The following TYW5 variants were observed in gnomAD, a reference collection of about 807,000 sequenced individuals.
TYW5 encodes tRNA-yW synthesizing protein 5.
In TYW5, 36 loss-of-function variants were observed where a neutral mutation model predicts 44.4. The observed-to-expected ratio is 0.81, with a 90% confidence interval of 0.62 to 1.07. The LOEUF (loss-of-function observed/expected upper bound fraction) is 1.07, where lower values mean the gene tolerates loss of function less well. TYW5 is among the 50% of genes least tolerant of loss of function. TYW5 has a pLI of 0.00. For missense variants in TYW5, 354 were observed against 365.7 expected (o/e 0.97, Z 0.26); for synonymous variants, 121 against 128.1 (o/e 0.94, Z 0.37).
Position 199,936,452 on chromosome 2 carries a change from C to T in TYW5, c.527G>A (p.Arg176His), listed in dbSNP as rs370153667. The change falls in exon 6 of 8, where the codon CGT becomes CAT. Residue 176 changes from arginine to histidine, a missense_variant. Transcript: ENST00000354611. ...NLLIQVTGKK[R>H]VVLFSPRDAQ... ...ATCTCGAGGACTGAAGAGTACAACA[C>T]GCTTTTTTCCTGTCACTTGTATTAA... 1.7e-5 allele frequency: 27 copies of T among 1,613,272 alleles called. No homozygotes were observed. Among genetic ancestry groups the T allele is most frequent in the South Asian group, 1.1e-4 (10 of 91,036 alleles).
intron 3 of TYW5, among the ~76,000 whole-genome samples, chr2:199,940,994 T>C (rs2077459690): frequency 6.6e-6 from 1 of 152,216 alleles, no homozygotes; most frequent in African/African-American, 2.4e-5. Context: ...ATGTATGAAT[T>C]AGAAAAATAT....
intron 5 of TYW5, among the ~76,000 whole-genome samples, chr2:199,938,039 CAA>C (rs1172790287): frequency 2.0e-5 from 3 of 151,568 alleles, no homozygotes; most frequent in Non-Finnish European, 4.4e-5. Context: ...TTTAAGCAAA[CAA>C]AATAACATCA....
At chr2:199,934,614 A>C (rs1239268913) in intron 7 of TYW5, among the ~76,000 whole-genome samples, 1 of 152,056 alleles carries the variant, frequency 6.6e-6, no homozygotes, top group African/African-American at 2.4e-5. Context: ...AGGAATTTAT[A>C]ATCTAGTCCC....
chr2:199,945,163 T>C (rs1473449657), intron 2 of TYW5: 1 of 152,150 alleles, frequency 6.6e-6, no homozygotes. Flanking sequence ...CTATGGACCA[T>C]ATGTCTTACC....
intron 2 of TYW5, 173 bp from the exon 3 acceptor site, chr2:199,944,007 G>A (rs1459477263): frequency 2.0e-6 from 1 of 508,152 alleles, no homozygotes; most frequent in Non-Finnish European, 3.4e-6. Flanking sequence ...AACTTATTGA[G>A]CAGTATGTTT....
chr2:199,939,210 TTC>T (rs143813020), intron 4 of TYW5, 140 bp from the exon 5 acceptor site: 1,139 of 690,900 alleles, frequency 1.6e-3, no homozygotes, highest in South Asian at 3.2e-3. Context: ...CTCTCTATCT[TTC>T]TCTCTCTCTC....
chr2:199,951,791 C>T (rs567638890), intron 1 of TYW5, among the ~76,000 whole-genome samples: 32 of 152,160 alleles, frequency 2.1e-4, no homozygotes, highest in Middle Eastern at 6.8e-3. Context: ...CCGAGGCAGG[C>T]GGATCACAAA....
rs944304231 is a variant in TYW5 at position 199,929,687 on chromosome 2, A to G, written c.*3380T>C. Among the ~76,000 whole-genome samples, 2 of 152,134 alleles carry G rather than the reference A, an allele frequency of 1.3e-5. No individual in the cohort carries two copies. Among genetic ancestry groups the G allele is most frequent in the Non-Finnish European group, 2.9e-5 (2 of 68,024 alleles). ...CTGTTCAAAAGGATGAAGGATACAA[A>G]TTAAGTTTTGTTGACTTTGTTTCCT... On this transcript the variant is annotated 3_prime_UTR_variant, in exon 8 of 8. Transcript: ENST00000354611.
intron 3 of TYW5, among the ~76,000 whole-genome samples, chr2:199,941,269 G>A (rs2077462473): frequency 1.3e-5 from 2 of 152,146 alleles, no homozygotes; most frequent in Admixed American, 6.5e-5. Flanking sequence ...TCGAACTCCT[G>A]GACTCAAGTG....
chr2:199,933,686 T>G (rs935835360), intron 7 of TYW5, among the ~76,000 whole-genome samples: 1 of 152,226 alleles, frequency 6.6e-6, no homozygotes, highest in Non-Finnish European at 1.5e-5. Context: ...AGTGTTTATT[T>G]TTTGGTACAC....
chr2:199,945,326 CA>C (rs1039412763), intron 2 of TYW5: 1 of 152,128 alleles, frequency 6.6e-6, no homozygotes, highest in African/African-American at 2.4e-5. Flanking sequence ...TATCCTCCCG[CA>C]AAAAGCTAAG....
In TYW5 at chr2:199,940,037, T is replaced by C. The variant is rs73068717; in HGVS notation, c.348+52A>G. On this transcript the variant is annotated intron_variant, in intron 4 of 7. Coordinates refer to ENST00000354611, the MANE Select transcript of TYW5 (RefSeq NM_001039693.3). ...AAAATTACAGTGTTGCCAGTTAACA[T>C]ACATACATCCATTTAGATTTTAGGG... 8.1e-4 allele frequency: 1,235 copies of C among 1,530,200 alleles called. 8 individuals carry two copies. In the African/African-American group the frequency reaches 0.015, roughly 19 times the overall value. 94.8% of individuals were successfully genotyped at this position (1,530,200 alleles called of 1,614,324 possible).
At chr2:199,936,102 AAAGT>A in intron 6 of TYW5, 55 bp from the exon 7 acceptor site, 2 of 1,040,186 alleles carry the variant, frequency 1.9e-6, no homozygotes, top group Non-Finnish European at 1.5e-6. Flanking sequence ...CATTTTAAAA[AAAGT>A]AATCACAAAT....
At chr2:199,940,558 C>T (rs1035625330) in intron 3 of TYW5, among the ~76,000 whole-genome samples, 7 of 150,680 alleles carry the variant, frequency 4.6e-5, no homozygotes, top group African/African-American at 1.7e-4. Context: ...CTGCAGTGAG[C>T]TATGATTGTG....
chr2:199,933,455 G>C, intron 7 of TYW5, 132 bp from the exon 8 acceptor site: 1 of 739,378 alleles, frequency 1.4e-6, no homozygotes, highest in Non-Finnish European at 2.2e-6. Context: ...CCCTTCGTTA[G>C]CACACTCCAG....
intron 5 of TYW5, among the ~76,000 whole-genome samples, chr2:199,937,319 T>C: frequency 6.6e-6 from 1 of 152,230 alleles, no homozygotes; most frequent in African/African-American, 2.4e-5. Flanking sequence ...CTTTATATAT[T>C]ACATTCTATT....
chr2:199,949,997 A>C (rs176008), intron 1 of TYW5, among the ~76,000 whole-genome samples: 1 of 151,928 alleles, frequency 6.6e-6, no homozygotes, highest in African/African-American at 2.4e-5. Flanking sequence ...TATGGCAAAA[A>C]AAAAGAACCC....
rs527679832 is a variant in TYW5 at position 199,949,415 on chromosome 2, T to C, written c.79-943A>G. On this transcript the variant is annotated intron_variant, in intron 1 of 7. Transcript: ENST00000354611. Reference sequence around the variant, plus strand: ...ACACTGACATAATACTATTATCTAATCTACAGTCCATACTCAAATTTTGCT... The same window carrying C: ...ACACTGACATAATACTATTATCTAACCTACAGTCCATACTCAAATTTTGCT... Among the ~76,000 whole-genome samples the C allele has an allele frequency of 1.1e-4, 16 of 152,208 alleles. No homozygotes were observed. In the East Asian group the frequency reaches 2.9e-3, roughly 28 times the overall value.
chr2:199,940,132 TC>T lies in TYW5; in HGVS notation c.304del (p.Asp102MetfsTer27). 6.2e-7 allele frequency: 1 copy of T among 1,612,588 alleles called. No homozygotes were observed. On this transcript the variant is annotated frameshift_variant and splice_region_variant, in exon 4 of 8. Transcript: ENST00000354611. LOFTEE classifies it high-confidence loss of function. ...EKHKEFFVSEDEKYYLRSLGE... is the reference protein window; with the variant it reads ...EKHKEFFVSEXEKYYLRSLGE... ...AAGTGACCGTAAGTAGTATTTCTCA[TC>T]CTTAAACACCCCAGAGAAAAATAAC...
Sources: gnomAD v4.1 joint callset for allele counts (sites outside exome capture counted in the v4.1 genomes callset) on GRCh38, gnomAD v4.1.1 for gene constraint, MANE v1.5 for transcripts, NCBI Gene and HGNC (gene_info 2026-07-23, HGNC 2026-07-21) for gene names.